The following CDH23 variants were observed in gnomAD, a reference collection of about 807,000 sequenced individuals.
The protein encoded by CDH23 is cadherin-23.
In CDH23, 189 loss-of-function variants were observed where a neutral mutation model predicts 317.1. That is an observed-to-expected ratio of 0.60 (90% CI 0.53 to 0.67). The LOEUF (loss-of-function observed/expected upper bound fraction) is 0.67. CDH23 is among the 30% of genes least tolerant of loss of function. The pLI, the probability that CDH23 is intolerant of heterozygous loss-of-function variation, is 0.00. For missense variants in CDH23, 4,401 were observed against 4,592.4 expected (o/e 0.96, Z 1.20); for synonymous variants, 1,839 against 1,876.8 (o/e 0.98, Z 0.52).
At chr10:71,707,112 G>T (rs769573941) in intron 26 of CDH23, 63 bp downstream of exon 26, 21 of 1,562,750 alleles carry the variant, frequency 1.3e-5, no homozygotes, top group Non-Finnish European at 1.7e-5. Context: ...ACCCCTCCCA[G>T]ATGGACAGCC....
At chr10:71,674,111 T>C (rs1156382821) in intron 14 of CDH23, among the ~76,000 whole-genome samples, 3 of 152,234 alleles carry the variant, frequency 2.0e-5, no homozygotes, top group Non-Finnish European at 2.9e-5. Context: ...CATCTTTCTG[T>C]ATAGCCAAGT....
chr10:71,602,703 G>A (rs1166221889), intron 9 of CDH23, among the ~76,000 whole-genome samples: 8 of 152,050 alleles, frequency 5.3e-5, no homozygotes, highest in Non-Finnish European at 1.5e-5. Flanking sequence ...CCAGTCTGTG[G>A]CACTGCACAG....
chr10:71,555,075 G>C (rs372963315), intron 6 of CDH23, among the ~76,000 whole-genome samples: 1 of 152,186 alleles, frequency 6.6e-6, no homozygotes. Flanking sequence ...GGGGTATGAG[G>C]CTTCCAGCAG....
At chr10:71,734,542 G>A (rs2132832076) in intron 33 of CDH23, 114 bp from the exon 34 acceptor site, 5 of 1,606,552 alleles carry the variant, frequency 3.1e-6, no homozygotes, top group South Asian at 1.1e-5. Context: ...CAGGTGGAGG[G>A]TGGCACCTCC....
chr10:71,784,085 G>T (rs534418688), intron 41 of CDH23, among the ~76,000 whole-genome samples: 21 of 152,324 alleles, frequency 1.4e-4, no homozygotes, highest in African/African-American at 4.8e-4. Flanking sequence ...ACCCGTGGTG[G>T]TGATCCGCTA....
chr10:71,438,640 A>T (rs529118293), intron 1 of CDH23, among the ~76,000 whole-genome samples: 3 of 152,196 alleles, frequency 2.0e-5, no homozygotes, highest in African/African-American at 7.2e-5. Context: ...CTTGGCAGAG[A>T]TGTGGAAGTC....
intron 22 of CDH23, among the ~76,000 whole-genome samples, chr10:71,700,910 T>C (rs893627819): frequency 1.3e-5 from 2 of 152,160 alleles, no homozygotes; most frequent in African/African-American, 4.8e-5. Flanking sequence ...AGGGACAGAT[T>C]CTGCTGCCAA....
chr10:71,483,148 G>A (rs572780813), intron 3 of CDH23, among the ~76,000 whole-genome samples: 1 of 152,324 alleles, frequency 6.6e-6, no homozygotes, highest in South Asian at 2.1e-4. Flanking sequence ...GGGGCTGGGG[G>A]CTTTGCCTTC....
intron 6 of CDH23, among the ~76,000 whole-genome samples, chr10:71,555,771 G>T (rs1456468844): frequency 6.6e-6 from 1 of 152,178 alleles, no homozygotes; most frequent in African/African-American, 2.4e-5. Context: ...TTCATGCTTG[G>T]GTATCACACT....
At chr10:71,639,974 G>A (rs866686116) in intron 11 of CDH23, among the ~76,000 whole-genome samples, 150 of 152,150 alleles carry the variant, frequency 9.9e-4, no homozygotes, top group African/African-American at 3.3e-3. Context: ...TGATCCTGAG[G>A]GTCTTAGGAC....
intron 6 of CDH23, among the ~76,000 whole-genome samples, chr10:71,538,490 C>G (rs1285198358): frequency 6.6e-6 from 1 of 152,170 alleles, no homozygotes; most frequent in East Asian, 1.9e-4. Flanking sequence ...ATTGCTGGAG[C>G]CATTGGCCCG....
At chr10:71,479,510 A>G (rs772635674) in intron 3 of CDH23, among the ~76,000 whole-genome samples, 2 of 152,164 alleles carry the variant, frequency 1.3e-5, no homozygotes, top group Non-Finnish European at 2.9e-5. Flanking sequence ...GAGAGACACA[A>G]CAGGCTCTCT....
chr10:71,638,605 CT>C (rs1447942076), intron 11 of CDH23, among the ~76,000 whole-genome samples: 2 of 152,236 alleles, frequency 1.3e-5, no homozygotes, highest in African/African-American at 2.4e-5. Context: ...AAATCCACCC[CT>C]CTGAGGCAGG....
At chr10:71,796,730 C>A (rs141527194) in intron 48 of CDH23, 1 of 199,140 alleles carries the variant, frequency 5.0e-6, no homozygotes, top group Admixed American at 5.4e-5. Context: ...CTGTGTGCCA[C>A]GCACTGTTCT....
chr10:71,663,668 C>T (rs61587241), intron 14 of CDH23, among the ~76,000 whole-genome samples: 56 of 152,326 alleles, frequency 3.7e-4, no homozygotes, highest in African/African-American at 1.3e-3. Context: ...GTACCTGTCT[C>T]ATAGAGTGGG....
At chr10:71,444,293 C>T (rs569781720) in intron 2 of CDH23, among the ~76,000 whole-genome samples, 1 of 152,346 alleles carries the variant, frequency 6.6e-6, no homozygotes, top group South Asian at 2.1e-4. Flanking sequence ...GCCATGAAGT[C>T]CTATTATTAT....
chr10:71,809,473 C>A (rs981987689), intron 60 of CDH23, among the ~76,000 whole-genome samples: 6 of 152,076 alleles, frequency 3.9e-5, no homozygotes, highest in Non-Finnish European at 1.5e-5. Flanking sequence ...CCACCACACC[C>A]GGGCTTATTT....
At chr10:71,528,261 C>T (rs934728756) in intron 6 of CDH23, among the ~76,000 whole-genome samples, 3 of 151,974 alleles carry the variant, frequency 2.0e-5, no homozygotes, top group African/African-American at 7.3e-5. Context: ...CACTCCACCG[C>T]CAGGCCTCTT....
intron 35 of CDH23, among the ~76,000 whole-genome samples, chr10:71,739,385 C>T (rs1839673224): frequency 6.6e-6 from 1 of 152,222 alleles, no homozygotes; most frequent in Admixed American, 6.5e-5. Flanking sequence ...TGCCATGGGA[C>T]TCAAGCCCCA....
Sources: allele counts gnomAD v4.1 joint callset (sites outside exome capture counted in the v4.1 genomes callset), GRCh38; gene constraint gnomAD v4.1.1; transcripts MANE v1.5; gene names NCBI Gene and HGNC (gene_info 2026-07-23, HGNC 2026-07-21).